The following TMED3 variants were observed in gnomAD, a reference collection of about 807,000 sequenced individuals.
TMED3 encodes transmembrane emp24 domain-containing protein 3.
In TMED3, 9 loss-of-function variants were observed where a neutral mutation model predicts 15.0. The observed-to-expected ratio is 0.60, with a 90% CI of 0.36 to 1.04. The LOEUF is 1.04. Ranked by LOEUF, TMED3 falls within the 50% of genes least tolerant of loss-of-function variation. The pLI is 0.01. For synonymous variants in TMED3, 117 were observed against 121.4 expected, an observed-to-expected ratio of 0.96 and a Z score of 0.24; for missense variants, 267 against 278.9, an observed-to-expected ratio of 0.96 and a Z score of 0.30.
At chr15:79,351,255 C>T (rs2058890144) in intron 2 of TMED3, among the ~76,000 whole-genome samples, 1 of 152,154 alleles carries the variant, frequency 6.6e-6, no homozygotes, top group Non-Finnish European at 1.5e-5. Context: ...GTTTACTAGG[C>T]TGTGCTATGA....
At chr15:79,368,008 C>T (rs186174899) in intron 2 of TMED3, among the ~76,000 whole-genome samples, 122 of 152,268 alleles carry the variant, frequency 8.0e-4, no homozygotes, top group African/African-American at 2.6e-3. Context: ...GTCCTCAGCT[C>T]CCCATTGCCT....
At chr15:79,376,997 C>G (rs1406891000) in intron 2 of TMED3, among the ~76,000 whole-genome samples, 1 of 152,072 alleles carries the variant, frequency 6.6e-6, no homozygotes, top group African/African-American at 2.4e-5. Context: ...CTTCATGAAG[C>G]TGAGAAAACC....
chr15:79,326,789 T>C (rs944303667), downstream of TMED3, among the ~76,000 whole-genome samples: 2 of 152,164 alleles, frequency 1.3e-5, no homozygotes, highest in African/African-American at 2.4e-5. Context: ...AGATTAGTGC[T>C]CTTATAAAAG....
intron 2 of TMED3, among the ~76,000 whole-genome samples, chr15:79,334,618 C>G (rs1224066561): frequency 6.6e-6 from 1 of 152,168 alleles, no homozygotes; most frequent in Non-Finnish European, 1.5e-5. Context: ...TCTCCCCACA[C>G]AGTGTGACTC....
chr15:79,354,337 C>T (rs144893877), intron 2 of TMED3, among the ~76,000 whole-genome samples: 4 of 152,240 alleles, frequency 2.6e-5, no homozygotes, highest in Non-Finnish European at 4.4e-5. Context: ...CCTTGACCAA[C>T]AGTTTCCTTA....
chr15:79,363,018 AGACT>A (rs138634223), intron 2 of TMED3, among the ~76,000 whole-genome samples: 1,832 of 152,328 alleles, frequency 0.012, 81 homozygotes, highest in East Asian at 0.11. Context: ...GATTAGGGGT[AGACT>A]GACTGACAAA....
intron 1 of TMED3, among the ~76,000 whole-genome samples, chr15:79,312,865 G>A (rs2058722148): frequency 6.6e-6 from 1 of 152,116 alleles, no homozygotes; most frequent in Admixed American, 6.5e-5. Context: ...GGGGGGAGGG[G>A]GAACACCTGT....
At chr15:79,391,476 G>A (rs868497396) in intron 2 of TMED3, among the ~76,000 whole-genome samples, 61 of 152,170 alleles carry the variant, frequency 4.0e-4, no homozygotes, top group African/African-American at 1.2e-3. Flanking sequence ...ATTGAGGCTC[G>A]TTTTGTGGCC....
At chr15:79,401,652 A>G (rs986059708) in intron 2 of TMED3, among the ~76,000 whole-genome samples, 6 of 152,186 alleles carry the variant, frequency 3.9e-5, no homozygotes, top group African/African-American at 7.2e-5. Flanking sequence ...CCTGGTGAGG[A>G]AAAACGAAGA....
chr15:79,313,456 T>G (rs1343354479), intron 1 of TMED3, among the ~76,000 whole-genome samples: 2 of 152,196 alleles, frequency 1.3e-5, no homozygotes, highest in African/African-American at 2.4e-5. Context: ...CCTTGGAACC[T>G]CAGTTTCTTC....
chr15:79,317,673 A>T (rs1483325782), intron 2 of TMED3, among the ~76,000 whole-genome samples: 1 of 152,222 alleles, frequency 6.6e-6, no homozygotes, highest in Non-Finnish European at 1.5e-5. Context: ...ATACATGTAT[A>T]CACTTATGTG....
intron 2 of TMED3, among the ~76,000 whole-genome samples, chr15:79,355,369 A>G (rs1567031190): frequency 6.6e-6 from 1 of 152,162 alleles, no homozygotes. Flanking sequence ...CATTTGCAAC[A>G]GTGGATCCAG....
chr15:79,330,256 T>A (rs2058803228), intron 2 of TMED3, among the ~76,000 whole-genome samples: 2 of 152,224 alleles, frequency 1.3e-5, no homozygotes, highest in African/African-American at 4.8e-5. Context: ...TTGTCCTTGT[T>A]TGTAAATGAC....
chr15:79,387,613 C>CACACACACAT (rs1893643127), intron 2 of TMED3, among the ~76,000 whole-genome samples: 5 of 151,930 alleles, frequency 3.3e-5, no homozygotes, highest in African/African-American at 1.2e-4. Context: ...CACACACACA[C>CACACACACAT]ACACACATAC....
chr15:79,409,037 C>A (rs930155157), intron 2 of TMED3, among the ~76,000 whole-genome samples: 5 of 152,198 alleles, frequency 3.3e-5, no homozygotes, highest in Admixed American at 1.3e-4. Flanking sequence ...AAGCTTGATT[C>A]CATGATTGCT....
Position 79,377,270 on chromosome 15 carries a change from A to ATGTGTGTG in TMED3, c.418-34109_418-34102dup, listed in dbSNP as rs56891639. ...CAAACCCTAAGTGGAGAGTGTGTGC[A>ATGTGTGTG]TGTGTGTGTGTGTGTGTGTGTGTGT... On this transcript the variant is annotated intron_variant, in intron 2 of 2. Transcript: ENST00000424155. 3.4e-3 allele frequency among the ~76,000 whole-genome samples: 502 copies of ATGTGTGTG among 145,564 alleles called. 2 individuals are homozygous for ATGTGTGTG. The highest frequency in any genetic ancestry group is 5.6e-3 in the African/African-American group (218 of 38,776).
intron 1 of TMED3, among the ~76,000 whole-genome samples, chr15:79,312,963 A>G (rs1264204193): frequency 6.6e-6 from 1 of 152,130 alleles, no homozygotes; most frequent in Non-Finnish European, 1.5e-5. Flanking sequence ...CTGCAACCCC[A>G]GGGGGTTAGT....
chr15:79,346,858 A>G (rs2058873194), intron 2 of TMED3, among the ~76,000 whole-genome samples: 1 of 152,136 alleles, frequency 6.6e-6, no homozygotes, highest in Non-Finnish European at 1.5e-5. Flanking sequence ...AACATCATCA[A>G]TAATGAGCTC....
chr15:79,331,031 CT>C (rs1487063619), intron 2 of TMED3, among the ~76,000 whole-genome samples: 1 of 152,142 alleles, frequency 6.6e-6, no homozygotes, highest in Admixed American at 6.5e-5. Flanking sequence ...CCTAAGGGAG[CT>C]TTTACTCATG....
Sources: gnomAD v4.1 joint callset for allele counts (sites outside exome capture counted in the v4.1 genomes callset) on GRCh38, gnomAD v4.1.1 for gene constraint, MANE v1.5 for transcripts, NCBI Gene and HGNC (gene_info 2026-07-23, HGNC 2026-07-21) for gene names.